The following ZNF696 variants were observed in gnomAD, a reference collection of about 807,000 sequenced individuals.
ZNF696 encodes the protein zinc finger protein 696.
A neutral mutation model predicts 12.3 loss-of-function variants in ZNF696; 10 were observed. That is an observed-to-expected ratio of 0.81 (90% CI 0.50 to 1.38). The LOEUF is 1.38. Ranked by LOEUF, ZNF696 falls within the 40% of genes most tolerant of loss-of-function variation. The pLI, the probability that ZNF696 is intolerant of heterozygous loss-of-function variation, is 0.00. For missense variants in ZNF696, 675 were observed against 554.7 expected (o/e 1.22, Z -2.18); for synonymous variants, 304 against 243.9 (o/e 1.25, Z -2.29).
Position 143,297,755 on chromosome 8 carries a change from T to C in ZNF696, c.*955T>C, listed in dbSNP as rs1815745677. 1 of 152,152 alleles carries C rather than the reference T, an allele frequency of 6.6e-6. No individual in the cohort carries two copies. The highest frequency in any genetic ancestry group is 2.4e-5 in the African/African-American group (1 of 41,436). 9.4% of individuals were successfully genotyped at this position (152,152 alleles called of 1,614,324 possible). On this transcript the variant is annotated 3_prime_UTR_variant, in exon 3 of 3. Transcript: ENST00000330143. ...CTTGTGGGACTGACCCCTTACCCTG[T>C]GGGTTCTGCACTAGCTCCGGGCAAT...
In ZNF696 at chr8:143,298,649, G is replaced by A. The variant is rs573478044; in HGVS notation, c.*1849G>A. 1.3e-5 allele frequency among the ~76,000 whole-genome samples: 2 copies of A among 152,360 alleles called. No individual in the cohort carries two copies. The highest frequency in any genetic ancestry group is 2.1e-4 in the South Asian group (1 of 4,828). On this transcript the variant is annotated 3_prime_UTR_variant, in exon 3 of 3. Coordinates refer to ENST00000330143, the MANE Select transcript of ZNF696 (RefSeq NM_030895.3). Reference sequence around the variant, plus strand: ...CAGATCCTGAAACTGTCATCATACAGGTGAGAGGATAGTTATGTGTGAGGT... The same window carrying A: ...CAGATCCTGAAACTGTCATCATACAAGTGAGAGGATAGTTATGTGTGAGGT...
In ZNF696 at chr8:143,296,690, C is replaced by T; in HGVS notation, c.1015C>T (p.His339Tyr). The T allele has an allele frequency of 6.4e-7, 1 of 1,567,354 alleles. No homozygotes were observed. Among genetic ancestry groups the T allele is most frequent in the Non-Finnish European group, 8.6e-7 (1 of 1,164,188 alleles). ...AFRALSGFFR[H>Y]QRLHTGEKPF... ...CCGGGCGCTGTCGGGCTTCTTCCGG[C>T]ACCAGCGACTCCACACGGGCGAGAA... Residue 339 changes from histidine (H) to tyrosine (Y), a missense_variant, in exon 3 of 3, where the codon CAC becomes TAC. Physicochemically the swap from His to Tyr is moderately conservative, Grantham distance 83. Transcript: ENST00000330143.
At position 143,296,779 on chromosome 8, in the gene ZNF696, G is replaced by C; in HGVS notation, c.1104G>C (p.Arg368=). ...TGAGCTTCCACCTCATCCAGCACCG[G>C]CGGGTGCATGGCGCCGAGTGAGCCG... ...FRLSFHLIQH[R]RVHGAE The change falls in exon 3 of 3, where the codon CGG becomes CGC. Residue 368 remains arginine, a synonymous_variant. Coordinates refer to ENST00000330143, the MANE Select transcript of ZNF696 (RefSeq NM_030895.3). The C allele has an allele frequency of 7.0e-7, 1 of 1,431,722 alleles. No homozygotes were observed. Among genetic ancestry groups the C allele is most frequent in the Non-Finnish European group, 9.1e-7 (1 of 1,100,948 alleles). The allele number at this position is 1,431,722 out of a possible 1,614,324, so 88.7% of individuals were successfully genotyped here.
At chr8:143,293,130 A>G in intron 2 of ZNF696, 65 bp downstream of exon 2, 1 of 1,370,546 alleles carries the variant, frequency 7.3e-7, no homozygotes, top group Non-Finnish European at 1.0e-6. Context: ...GAATACAGGA[A>G]AAACACCATG....
At chr8:143,292,674 G>A (rs1476487453) in intron 1 of ZNF696, among the ~76,000 whole-genome samples, 1 of 152,232 alleles carries the variant, frequency 6.6e-6, no homozygotes, top group Non-Finnish European at 1.5e-5. Flanking sequence ...TCCTCAGCAT[G>A]GAGCTAGGAA....
At chr8:143,295,438 C>G (rs549206520) in intron 2 of ZNF696, 1 of 642,334 alleles carries the variant, frequency 1.6e-6, no homozygotes, top group African/African-American at 1.8e-5. Flanking sequence ...AAGTGGTCCT[C>G]CTGCCTCAGC....
Position 143,296,745 on chromosome 8 carries a change from C to T in ZNF696, c.1070C>T (p.Ala357Val), listed in dbSNP as rs767300960. 11 of 1,489,218 alleles carry T rather than the reference C, an allele frequency of 7.4e-6. No homozygotes were observed. The highest frequency in any genetic ancestry group is 5.8e-5 in the African/African-American group (4 of 69,216). The allele number at this position is 1,489,218 out of a possible 1,614,324, so 92.3% of individuals were successfully genotyped here. ...TTCCGCTGCACCGAGTGCGGCCGCG[C>T]CTTCCGCCTGAGCTTCCACCTCATC... ...KPFRCTECGR[A>V]FRLSFHLIQH... Residue 357 changes from alanine to valine, a missense_variant, in exon 3 of 3, where the codon GCC becomes GTC. By Grantham distance (64) the Ala-to-Val change is moderately conservative (BLOSUM62 0). Transcript: ENST00000330143.
chr8:143,296,810 G>T lies in ZNF696; in HGVS notation c.*10G>T. 3 of 1,384,002 alleles carry T rather than the reference G, an allele frequency of 2.2e-6. No individual in the cohort carries two copies. The highest frequency in any genetic ancestry group is 2.8e-6 in the Non-Finnish European group (3 of 1,076,278). The allele number at this position is 1,384,002 out of a possible 1,614,324, so 85.7% of individuals were successfully genotyped here. A position where few individuals can be genotyped will look rare whatever the true frequency, so the allele number is the denominator to read the frequency against. On this transcript the variant is annotated 3_prime_UTR_variant, in exon 3 of 3. Coordinates refer to ENST00000330143, the MANE Select transcript of ZNF696 (RefSeq NM_030895.3). Reference sequence around the variant, plus strand: ...GCATGGCGCCGAGTGAGCCGGGGCTGCGGCGGAAGAGATGCCGGCGGCCTG... The same window carrying T: ...GCATGGCGCCGAGTGAGCCGGGGCTTCGGCGGAAGAGATGCCGGCGGCCTG...
At chr8:143,293,262 A>G in intron 2 of ZNF696, 197 bp downstream of exon 2, 1 of 587,198 alleles carries the variant, frequency 1.7e-6, no homozygotes, top group Non-Finnish European at 3.0e-6. Flanking sequence ...CAGTGAACTG[A>G]GAGCTTTTGG....
Position 143,299,214 on chromosome 8 carries a change from T to C in ZNF696, c.*2414T>C, listed in dbSNP as rs1008234632. ...CCGAGTGATGGTCTTAGATATAAGATGGAATGGCAAGCAAATAAAATTATA... is the reference window on the plus strand; with the variant it reads ...CCGAGTGATGGTCTTAGATATAAGACGGAATGGCAAGCAAATAAAATTATA... On this transcript the variant is annotated 3_prime_UTR_variant, in exon 3 of 3. Coordinates refer to ENST00000330143, the MANE Select transcript of ZNF696 (RefSeq NM_030895.3). 2.0e-5 allele frequency among the ~76,000 whole-genome samples: 3 copies of C among 151,974 alleles called. No individual in the cohort carries two copies. Among genetic ancestry groups the C allele is most frequent in the Non-Finnish European group, 4.4e-5 (3 of 68,020 alleles).
In ZNF696 at chr8:143,296,358, G is replaced by T; in HGVS notation, c.683G>T (p.Arg228Leu). 1 of 1,592,906 alleles carries T rather than the reference G, an allele frequency of 6.3e-7. No individual in the cohort carries two copies. The highest frequency in any genetic ancestry group is 8.5e-7 in the Non-Finnish European group (1 of 1,173,704). Residue 228 changes from arginine to leucine, a missense_variant, in exon 3 of 3, where the codon CGC becomes CTC. Arg to Leu is a moderately radical substitution (Grantham distance 102). Transcript: ENST00000330143. ...CAGAGGTCGGACGCCGCCAAGCACC[G>T]CCGCACCCACACCGGGGAGAGGCTG... ...FGQRSDAAKHRRTHTGERLYA... is the reference protein window; with the variant it reads ...FGQRSDAAKHLRTHTGERLYA...
At position 143,296,382 on chromosome 8, in the gene ZNF696, T is replaced by A. The variant is rs866346211; in HGVS notation, c.707T>A (p.Leu236Gln). 1 of 1,556,080 alleles carries A rather than the reference T, an allele frequency of 6.4e-7. No homozygotes were observed. The highest frequency in any genetic ancestry group is 1.6e-5 in the African/African-American group (1 of 64,178). Residue 236 changes from leucine to glutamine, a missense_variant, in exon 3 of 3, where the codon CTG (leucine) becomes CAG (glutamine). Physicochemically the swap from Leu to Gln is moderately radical, Grantham distance 113. Transcript: ENST00000330143. ...KHRRTHTGER[L>Q]YACGECGKRF... ...CGCCGCACCCACACCGGGGAGAGGC[T>A]GTACGCGTGCGGCGAGTGCGGGAAG...
intron 2 of ZNF696, among the ~76,000 whole-genome samples, chr8:143,294,535 C>G (rs556924536): frequency 6.4e-4 from 98 of 152,200 alleles, no homozygotes; most frequent in African/African-American, 2.3e-3. Flanking sequence ...TGTGCACCAC[C>G]ACACCCAGCT....
rs1351868658 is a variant in ZNF696 at position 143,297,924 on chromosome 8, A to G, written c.*1124A>G. 6.6e-6 allele frequency: 1 copy of G among 152,146 alleles called. No homozygotes were observed. Among genetic ancestry groups the G allele is most frequent in the Admixed American group, 6.5e-5 (1 of 15,268 alleles). 9.4% of individuals were successfully genotyped at this position (152,146 alleles called of 1,614,324 possible). On this transcript the variant is annotated 3_prime_UTR_variant, in exon 3 of 3. Transcript: ENST00000330143. Reference sequence around the variant, plus strand: ...GTAGAGGAATCGTTTTCTCTTTGAGACTGTTATGAGTATGTACAAATGTTA... The same window carrying G: ...GTAGAGGAATCGTTTTCTCTTTGAGGCTGTTATGAGTATGTACAAATGTTA...
At chr8:143,295,528 C>G (rs1409420667) in intron 2 of ZNF696, 3 of 699,492 alleles carry the variant, frequency 4.3e-6, no homozygotes, top group Non-Finnish European at 7.7e-6. Context: ...GTGCAGGATT[C>G]TCGTCTACCT....
At chr8:143,293,371 T>C (rs1004632659) in intron 2 of ZNF696, 2 of 522,812 alleles carry the variant, frequency 3.8e-6, no homozygotes, top group Non-Finnish European at 3.4e-6. Flanking sequence ...GGACGAGTCT[T>C]TGTTGAGGGG....
In ZNF696 at chr8:143,291,747, C is replaced by T; in HGVS notation, c.-51C>T. ...TTCTTCCCAGCTGTGAACAGGAGGG[C>T]CTGTTCCCTAATTCTTGCCGGTAAG... On this transcript the variant is annotated 5_prime_UTR_variant, in exon 1 of 3. Coordinates refer to ENST00000330143, the MANE Select transcript of ZNF696 (RefSeq NM_030895.3). 3.0e-6 allele frequency: 3 copies of T among 985,482 alleles called. No individual in the cohort carries two copies. Among genetic ancestry groups the T allele is most frequent in the Non-Finnish European group, 2.4e-6 (2 of 829,932 alleles). The allele number at this position is 985,482 out of a possible 1,614,324, so 61.0% of individuals were successfully genotyped here.
Position 143,296,657 on chromosome 8 carries a change from C to G in ZNF696, c.982C>G (p.Arg328Gly). Residue 328 changes from arginine (R) to glycine (G), a missense_variant, in exon 3 of 3, where the codon CGC becomes GGC. Transcript: ENST00000330143. ...EKPHQCGHCG[R>G]AFRALSGFFR... is the part of the protein sequence containing the mutation. ...GCCCCACCAGTGCGGCCACTGCGGGCGCGCGTTCCGGGCGCTGTCGGGCTT... is the reference window on the plus strand; with the variant it reads ...GCCCCACCAGTGCGGCCACTGCGGGGGCGCGTTCCGGGCGCTGTCGGGCTT... 1.3e-6 allele frequency: 2 copies of G among 1,576,794 alleles called. No individual in the cohort carries two copies. The highest frequency in any genetic ancestry group is 1.7e-6 in the Non-Finnish European group (2 of 1,169,230).
chr8:143,297,023 C>T lies in ZNF696; in HGVS notation c.*223C>T, dbSNP rs1815732922. On this transcript the variant is annotated 3_prime_UTR_variant, in exon 3 of 3. Transcript: ENST00000330143. ...AGCGCTGCCCGCGGGAGGCGATTCC[C>T]AGAGGCGGGGAGGTCTCAGGGGTCT... is the stretch of plus-strand genomic sequence containing the variant. 5 of 463,948 alleles carry T rather than the reference C, an allele frequency of 1.1e-5. No individual in the cohort carries two copies. In the South Asian group the frequency reaches 2.6e-4, roughly 24 times the overall value. 28.7% of individuals were successfully genotyped at this position (463,948 alleles called of 1,614,324 possible).
Sources: allele counts gnomAD v4.1 joint callset (sites outside exome capture counted in the v4.1 genomes callset), GRCh38; gene constraint gnomAD v4.1.1; transcripts MANE v1.5; gene names NCBI Gene and HGNC (gene_info 2026-07-23, HGNC 2026-07-21).